The following HDAC9 variants were observed in gnomAD, a reference collection of about 807,000 sequenced individuals.
HDAC9 encodes the protein histone deacetylase 9, also known as MEF-2 interacting transcription repressor (MITR) protein.
Under a neutral mutation model 139.4 loss-of-function variants are expected in HDAC9, and 41 were observed. The ratio of observed to expected loss-of-function variants is 0.29; its 90% CI spans 0.23 to 0.38. The LOEUF is 0.38. Among genes scored for constraint, HDAC9 ranks in the 10% least tolerant of loss-of-function variants. HDAC9 has a pLI of 1.00. For synonymous variants in HDAC9, 517 were observed against 476.2 expected (o/e 1.09, Z -1.12); for missense variants, 1,147 against 1,297.0 (o/e 0.88, Z 1.78).
chr7:18,639,727 T>A (rs910308595), intron 8 of HDAC9, among the ~76,000 whole-genome samples: 4 of 152,094 alleles, frequency 2.6e-5, no homozygotes, highest in African/African-American at 7.2e-5. Context: ...TCTTTTTAGA[T>A]AGCCTGGATT....
At chr7:18,554,322 G>A (rs1264655191) in intron 2 of HDAC9, among the ~76,000 whole-genome samples, 9 of 137,676 alleles carry the variant, frequency 6.5e-5, no homozygotes, top group African/African-American at 2.1e-4. Context: ...TGGTATTACA[G>A]ATCACTTTTT....
intron 2 of HDAC9, among the ~76,000 whole-genome samples, chr7:18,273,471 G>C (rs1325453246): frequency 6.6e-6 from 1 of 152,148 alleles, no homozygotes; most frequent in African/African-American, 2.4e-5. Flanking sequence ...ATATCTGAAA[G>C]AGGTGTCATT....
rs954012853 is a variant in HDAC9 at position 18,667,971 on chromosome 7, T to C, written c.1731+1495T>C. On this transcript the variant is annotated intron_variant, in intron 12 of 25. Transcript: ENST00000686413. ...CTTTGTGAGGTTTTTTCTATTAAAA[T>C]ATTTATATTTCTAAATCCGAGGTAT... The C allele has an allele frequency of 4.1e-6, 4 of 970,116 alleles. No homozygotes were observed. The African/African-American group carries it at 7.0e-5, about 17-fold the overall frequency. The allele number at this position is 970,116 out of a possible 1,614,324, so 60.1% of individuals were successfully genotyped here.
At chr7:18,858,889 G>T (rs948573663) in intron 21 of HDAC9, among the ~76,000 whole-genome samples, 1 of 152,114 alleles carries the variant, frequency 6.6e-6, no homozygotes, top group African/African-American at 2.4e-5. Flanking sequence ...CTAACTCACA[G>T]AAACACTGAA....
chr7:18,204,556 T>A (rs1167393909), intron 2 of HDAC9, among the ~76,000 whole-genome samples: 1 of 152,016 alleles, frequency 6.6e-6, no homozygotes, highest in Non-Finnish European at 1.5e-5. Context: ...CAGTGATCGT[T>A]GTTGCTTTTT....
At chr7:18,156,877 C>A (rs1469812517) in intron 1 of HDAC9, among the ~76,000 whole-genome samples, 3 of 152,098 alleles carry the variant, frequency 2.0e-5, no homozygotes, top group Admixed American at 1.3e-4. Flanking sequence ...GTAATCCCAG[C>A]ACTTTGTGAG....
At chr7:18,522,937 T>G (rs1271981371) in intron 2 of HDAC9, among the ~76,000 whole-genome samples, 3 of 152,230 alleles carry the variant, frequency 2.0e-5, no homozygotes, top group Non-Finnish European at 4.4e-5. Context: ...AAGTAAATGA[T>G]GTAGTGTCTT....
At chr7:18,245,716 T>A (rs1584818423) in intron 2 of HDAC9, among the ~76,000 whole-genome samples, 2 of 152,300 alleles carry the variant, frequency 1.3e-5, no homozygotes, top group South Asian at 4.1e-4. Context: ...AGAATAAGAT[T>A]AAGTTAAATT....
chr7:18,266,932 G>C (rs1467819079), intron 2 of HDAC9, among the ~76,000 whole-genome samples: 1 of 149,256 alleles, frequency 6.7e-6, no homozygotes, highest in Non-Finnish European at 1.5e-5. Context: ...AAAAACATTA[G>C]GTACATAGGT....
At position 18,997,004 on chromosome 7, in the gene HDAC9, T is replaced by TATC. The variant is rs1554425396; in HGVS notation, c.*944_*946dup. 1.3e-5 allele frequency: 2 copies of TATC among 152,224 alleles called. No homozygotes were observed. Among genetic ancestry groups the TATC allele is most frequent in the Admixed American group, 6.5e-5 (1 of 15,286 alleles). 9.4% of individuals were successfully genotyped at this position (152,224 alleles called of 1,614,324 possible). On this transcript the variant is annotated 3_prime_UTR_variant, in exon 26 of 26. Coordinates refer to ENST00000686413, the MANE Select transcript of HDAC9 (RefSeq NM_178425.4). The stretch of plus-strand genomic sequence containing the variant: ...CACTCACCTTTCCTTTTCTGCCCTC[T>TATC]ATCAATTGATTTCTTCTTACCTTTC...
At chr7:18,179,686 C>T (rs180773336) in intron 2 of HDAC9, among the ~76,000 whole-genome samples, 1 of 152,186 alleles carries the variant, frequency 6.6e-6, no homozygotes, top group Admixed American at 6.5e-5. Flanking sequence ...TATACAAATG[C>T]ATATTTGAAG....
rs571007932 is a variant in HDAC9, at chr7:18,488,665, A to G, written c.-41-7597A>G. Among the ~76,000 whole-genome samples the G allele has an allele frequency of 3.3e-5, 5 of 152,168 alleles. No homozygotes were observed. The South Asian group carries it at 1.0e-3, about 32-fold the overall frequency. On this transcript the variant is annotated intron_variant, in intron 1 of 3. Coordinates refer to the HDAC9 transcript ENST00000413509. The stretch of plus-strand genomic sequence containing the variant: ...GTTTTCTGGAAGCTCTGTCATGACT[A>G]CAAGGTTACTAGTAGTACAAGGTTC...
chr7:18,131,596 G>A (rs1381172010), intron 1 of HDAC9, among the ~76,000 whole-genome samples: 2 of 152,082 alleles, frequency 1.3e-5, no homozygotes, highest in African/African-American at 4.8e-5. Flanking sequence ...AATTGTAGAG[G>A]GCATTTTTTG....
chr7:18,810,004 T>C (rs1741984684), intron 17 of HDAC9, among the ~76,000 whole-genome samples: 1 of 151,874 alleles, frequency 6.6e-6, no homozygotes, highest in Non-Finnish European at 1.5e-5. Flanking sequence ...AAATAAAATA[T>C]AGCATATACA....
chr7:18,818,733 T>A (rs1367785647), intron 17 of HDAC9, among the ~76,000 whole-genome samples: 2 of 152,168 alleles, frequency 1.3e-5, no homozygotes, highest in Non-Finnish European at 2.9e-5. Flanking sequence ...CTCTCATCAG[T>A]GGAGATTTGA....
At chr7:18,097,755 T>G (rs1210031781) in intron 1 of HDAC9, among the ~76,000 whole-genome samples, 1 of 151,994 alleles carries the variant, frequency 6.6e-6, no homozygotes, top group Non-Finnish European at 1.5e-5. Context: ...GATTTTTTCT[T>G]TTTTAGAGAT....
intron 12 of HDAC9, among the ~76,000 whole-genome samples, chr7:18,675,823 A>G (rs1175156342): frequency 6.6e-6 from 1 of 151,910 alleles, no homozygotes; most frequent in East Asian, 1.9e-4. Context: ...TCAGGCTGGA[A>G]TGTTCTTTGG....
chr7:18,353,408 T>C (rs1348599033), intron 1 of HDAC9, among the ~76,000 whole-genome samples: 1 of 152,132 alleles, frequency 6.6e-6, no homozygotes, highest in Non-Finnish European at 1.5e-5. Flanking sequence ...GCAAAACAAC[T>C]GTGCTTTTTA....
intron 1 of HDAC9, among the ~76,000 whole-genome samples, chr7:18,369,050 A>G (rs1418167157): frequency 6.6e-6 from 1 of 152,088 alleles, no homozygotes; most frequent in East Asian, 1.9e-4. Flanking sequence ...TGTATGGGGC[A>G]TTTAGGGTTT....
Sources: gnomAD v4.1 joint callset for allele counts (sites outside exome capture counted in the v4.1 genomes callset) on GRCh38, gnomAD v4.1.1 for gene constraint, MANE v1.5 for transcripts, NCBI Gene and HGNC (gene_info 2026-07-23, HGNC 2026-07-21) for gene names.